Variants in NBEA observed in about 807,000 individuals in gnomAD.
NBEA encodes neurobeachin.
In NBEA, 44 loss-of-function variants were observed where a neutral mutation model predicts 343.4. The ratio of observed to expected loss-of-function variants is 0.13; its 90% CI spans 0.10 to 0.16. The LOEUF (loss-of-function observed/expected upper bound fraction) is 0.16, where lower values mean the gene tolerates loss of function less well. NBEA is among the 10% of genes least tolerant of loss of function. The pLI, the probability that NBEA is intolerant of heterozygous loss-of-function variation, is 1.00. For missense variants in NBEA, 2,555 were observed against 3,631.3 expected, an observed-to-expected ratio of 0.70 and a Z score of 7.62; for synonymous variants, 1,175 against 1,238.7, an observed-to-expected ratio of 0.95 and a Z score of 1.08.
intron 22 of NBEA, among the ~76,000 whole-genome samples, 194 bp downstream of exon 22, chr13:35,160,226 A>G (rs1235844801): frequency 3.9e-5 from 6 of 152,070 alleles, no homozygotes; most frequent in Admixed American, 3.3e-4. Context: ...TATATTTCCA[A>G]CTCTGCCACA....
At chr13:35,249,813 C>T (rs1050136735) in intron 34 of NBEA, among the ~76,000 whole-genome samples, 1 of 152,114 alleles carries the variant, frequency 6.6e-6, no homozygotes, top group African/African-American at 2.4e-5. Flanking sequence ...ATGGTCAAGT[C>T]GTGGAAGCAA....
At chr13:35,629,775 C>A (rs2083376173) in intron 49 of NBEA, among the ~76,000 whole-genome samples, 1 of 152,308 alleles carries the variant, frequency 6.6e-6, no homozygotes, top group African/African-American at 2.4e-5. Flanking sequence ...CTCAACTGTA[C>A]ACCCTTGCTT....
chr13:35,668,940 G>A (rs964935528), intron 58 of NBEA, among the ~76,000 whole-genome samples: 2 of 152,208 alleles, frequency 1.3e-5, no homozygotes, highest in African/African-American at 4.8e-5. Context: ...TGCATAGTGT[G>A]GGCCGTAGCT....
chr13:35,224,247 C>T (rs761516494), intron 33 of NBEA, among the ~76,000 whole-genome samples: 69 of 152,234 alleles, frequency 4.5e-4, no homozygotes, highest in Non-Finnish European at 1.0e-4. Flanking sequence ...CTTAATTTCA[C>T]TTGCAAAATT....
chr13:35,666,410 T>TAA (rs75335884), intron 56 of NBEA, among the ~76,000 whole-genome samples: 2 of 125,610 alleles, frequency 1.6e-5, no homozygotes, highest in Non-Finnish European at 1.7e-5. Context: ...CCTGTGAAGT[T>TAA]AAAAAAAAAA....
chr13:35,592,605 C>T (rs1015953366), intron 46 of NBEA, among the ~76,000 whole-genome samples: 5 of 151,952 alleles, frequency 3.3e-5, no homozygotes, highest in East Asian at 1.9e-4. Flanking sequence ...AGTTTATACC[C>T]GGCCTAGGGA....
At chr13:35,152,666 T>G (rs2068867735) in intron 18 of NBEA, among the ~76,000 whole-genome samples, 1 of 152,222 alleles carries the variant, frequency 6.6e-6, no homozygotes, top group South Asian at 2.1e-4. Flanking sequence ...CAGGTGTATC[T>G]CTGTAAATAG....
At chr13:35,384,787 A>G (rs978066340) in intron 38 of NBEA, among the ~76,000 whole-genome samples, 3 of 152,054 alleles carry the variant, frequency 2.0e-5, no homozygotes, top group African/African-American at 7.2e-5. Flanking sequence ...CGGCCTCCCA[A>G]AGTGGTAGGA....
intron 36 of NBEA, among the ~76,000 whole-genome samples, chr13:35,323,596 G>T (rs2038329331): frequency 6.7e-6 from 1 of 150,030 alleles, no homozygotes; most frequent in Non-Finnish European, 1.5e-5. Context: ...GATAGCATTG[G>T]GAGATATACC....
Position 35,159,940 on chromosome 13 carries a change from G to T in NBEA, c.3769G>T (p.Ala1257Ser). The T allele has an allele frequency of 6.3e-7, 1 of 1,593,540 alleles. No individual in the cohort carries two copies. Among genetic ancestry groups the T allele is most frequent in the South Asian group, 1.1e-5 (1 of 87,776 alleles). ...TAGCAAAATTGTACCAAATATTGAT[G>T]CAGGAAGTATAATTTCAGATACTGA... ...SSSKIVPNID[A>S]GSIISDTERS... The change falls in exon 22 of 59, where the codon GCA becomes TCA. Residue 1257 changes from alanine to serine, a missense_variant. By Grantham distance (99) the Ala-to-Ser change is moderately conservative (BLOSUM62 1). Coordinates refer to ENST00000379939, the MANE Select transcript of NBEA (RefSeq NM_001385012.1).
intron 34 of NBEA, among the ~76,000 whole-genome samples, chr13:35,271,348 A>G (rs1323412211): frequency 6.6e-6 from 1 of 152,222 alleles, no homozygotes; most frequent in Non-Finnish European, 1.5e-5. Context: ...AATCCCATCC[A>G]TAGGTCACCA....
chr13:35,425,658 T>G (rs1269365553), intron 38 of NBEA, among the ~76,000 whole-genome samples: 1 of 152,172 alleles, frequency 6.6e-6, no homozygotes, highest in East Asian at 1.9e-4. Flanking sequence ...AGATGTCTAT[T>G]AGGTCCTCTT....
At chr13:35,563,234 C>T (rs2079967901) in intron 44 of NBEA, among the ~76,000 whole-genome samples, 1 of 151,452 alleles carries the variant, frequency 6.6e-6, no homozygotes, top group Admixed American at 6.6e-5. Context: ...AGGAAAGGAC[C>T]CTACCAATTA....
Position 35,045,322 on chromosome 13 carries a change from A to C in NBEA, c.644A>C (p.Lys215Thr). The C allele has an allele frequency of 6.2e-7, 1 of 1,609,164 alleles. No homozygotes were observed. The highest frequency in any genetic ancestry group is 1.1e-5 in the South Asian group (1 of 89,666). ...ESGIWPRHAV[K>T]LLSVLNQMPQ... is the part of the protein sequence containing the mutation. ...TTTCCCCAGCCAAGACATGCAGTAA[A>C]ATTATTATCAGTTCTTAATCAGATG... is the stretch of plus-strand genomic sequence containing the variant. Residue 215 changes from lysine to threonine, a missense_variant, in exon 4 of 59, where the codon AAA (lysine) becomes ACA (threonine). Physicochemically the swap from Lys to Thr is moderately conservative, Grantham distance 78. Transcript: ENST00000379939.
chr13:35,308,447 T>C (rs1325457762), intron 35 of NBEA, among the ~76,000 whole-genome samples: 1 of 93,650 alleles, frequency 1.1e-5, no homozygotes, highest in Non-Finnish European at 2.0e-5. Context: ...ACTATATATA[T>C]ATATATATAT....
At chr13:35,634,602 G>A (rs2083615809) in intron 49 of NBEA, among the ~76,000 whole-genome samples, 2 of 152,132 alleles carry the variant, frequency 1.3e-5, no homozygotes, top group Admixed American at 1.3e-4. Context: ...AACGGTGAGA[G>A]GTATGCACAT....
At chr13:35,175,228 T>C (rs1215735757) in intron 27 of NBEA, among the ~76,000 whole-genome samples, 1 of 152,190 alleles carries the variant, frequency 6.6e-6, no homozygotes, top group Non-Finnish European at 1.5e-5. Flanking sequence ...TTTCTGTGCC[T>C]CCGTTTTCTA....
At chr13:35,542,823 A>G (rs2078895267) in intron 41 of NBEA, among the ~76,000 whole-genome samples, 1 of 152,024 alleles carries the variant, frequency 6.6e-6, no homozygotes, top group African/African-American at 2.4e-5. Context: ...TAGAGTAGTG[A>G]TTGATTACTA....
At chr13:35,058,915 TGTG>T (rs1454530900) in intron 8 of NBEA, 52 bp downstream of exon 8, 128 of 1,415,278 alleles carry the variant, frequency 9.0e-5, no homozygotes, top group Non-Finnish European at 1.2e-4. Context: ...AGATGTAAAA[TGTG>T]GTGTAATATC....
Sources: allele counts gnomAD v4.1 joint callset (sites outside exome capture counted in the v4.1 genomes callset), GRCh38; gene constraint gnomAD v4.1.1; transcripts MANE v1.5; gene names NCBI Gene and HGNC (gene_info 2026-07-23, HGNC 2026-07-21).